Variants in PDE10A observed in about 807,000 individuals in gnomAD.
PDE10A encodes phosphodiesterase 10A, also known as cAMP and cAMP-inhibited cGMP 3',5'-cyclic phosphodiesterase 10A.
Under a neutral mutation model 97.7 loss-of-function variants are expected in PDE10A, and 39 were observed. The observed-to-expected ratio is 0.40, with a 90% confidence interval of 0.31 to 0.52. The LOEUF (loss-of-function observed/expected upper bound fraction) is 0.52. Ranked by LOEUF, PDE10A falls within the 20% of genes least tolerant of loss-of-function variation. The pLI, the probability that PDE10A is intolerant of heterozygous loss-of-function variation, is 0.56. For missense variants in PDE10A, 731 were observed against 1,047.8 expected, an observed-to-expected ratio of 0.70 and a Z score of 4.17; for synonymous variants, 371 against 376.8, an observed-to-expected ratio of 0.98 and a Z score of 0.18.
chr6:165,618,441 T>C (rs73786669), intron 1 of PDE10A, among the ~76,000 whole-genome samples: 6 of 152,166 alleles, frequency 3.9e-5, no homozygotes, highest in African/African-American at 1.2e-4. Flanking sequence ...GGTGGCCACG[T>C]GTCCACCATC....
chr6:165,431,287 C>T, intron 8 of PDE10A, 135 bp downstream of exon 8: 1 of 504,324 alleles, frequency 2.0e-6, no homozygotes, highest in Non-Finnish European at 3.6e-6. Flanking sequence ...GTTAAAATTT[C>T]TAGAAATAAC....
chr6:165,549,316 C>T (rs757785017), intron 1 of PDE10A, among the ~76,000 whole-genome samples: 36 of 152,098 alleles, frequency 2.4e-4, no homozygotes, highest in African/African-American at 6.0e-4. Context: ...TAAGTTATTA[C>T]GGTTTTTTCT....
In PDE10A at chr6:165,799,107, T is replaced by C. The variant is rs989604725; in HGVS notation, c.-615+188422A>G. ...TCCATGGAAACATCAGCCACTGCAATTTAAATTCTGGCTAAGCAGCAACAG... is the reference window on the plus strand; with the variant it reads ...TCCATGGAAACATCAGCCACTGCAACTTAAATTCTGGCTAAGCAGCAACAG... On this transcript the variant is annotated intron_variant, in intron 1 of 19. Coordinates refer to the PDE10A transcript ENST00000366882. Among the ~76,000 whole-genome samples the C allele has an allele frequency of 2.6e-5, 4 of 152,330 alleles. No homozygotes were observed. The East Asian group carries it at 7.7e-4, about 29-fold the overall frequency.
At chr6:165,554,995 T>C (rs1238857490) in intron 1 of PDE10A, among the ~76,000 whole-genome samples, 2 of 151,798 alleles carry the variant, frequency 1.3e-5, no homozygotes, top group Non-Finnish European at 2.9e-5. Context: ...ACACAGTGAG[T>C]AAAAGGATGA....
intron 17 of PDE10A, among the ~76,000 whole-genome samples, chr6:165,386,772 G>C (rs1242349108): frequency 6.6e-6 from 1 of 151,854 alleles, no homozygotes; most frequent in Non-Finnish European, 1.5e-5. Flanking sequence ...GGAGGCTGAG[G>C]CGGGCGGATC....
At chr6:165,983,710 C>T (rs576744718) in intron 1 of PDE10A, among the ~76,000 whole-genome samples, 1 of 152,308 alleles carries the variant, frequency 6.6e-6, no homozygotes, top group African/African-American at 2.4e-5. Flanking sequence ...AGGTCAGCAA[C>T]ACCAACATAT....
At chr6:165,979,013 G>C (rs952874452) in intron 1 of PDE10A, among the ~76,000 whole-genome samples, 1 of 152,194 alleles carries the variant, frequency 6.6e-6, no homozygotes, top group Non-Finnish European at 1.5e-5. Context: ...CCATGAGAGT[G>C]AGATGGATCT....
chr6:165,650,230 C>T (rs941680353), intron 1 of PDE10A, among the ~76,000 whole-genome samples: 2 of 152,080 alleles, frequency 1.3e-5, no homozygotes, highest in East Asian at 1.9e-4. Flanking sequence ...AATGCCACTT[C>T]GGTACCTTCT....
intron 13 of PDE10A, among the ~76,000 whole-genome samples, chr6:165,398,051 G>A (rs61430416): frequency 0.17 from 26,306 of 151,998 alleles, 2,652 homozygotes; most frequent in African/African-American, 0.27. Flanking sequence ...TTAAATGAAA[G>A]TACTATATTT....
intron 2 of PDE10A, among the ~76,000 whole-genome samples, chr6:165,493,756 T>C (rs1780359116): frequency 6.6e-6 from 1 of 152,108 alleles, no homozygotes. Flanking sequence ...TACTAGACAC[T>C]GGCTTAGGCA....
At chr6:165,837,445 A>G (rs1780093870) in intron 1 of PDE10A, among the ~76,000 whole-genome samples, 1 of 152,008 alleles carries the variant, frequency 6.6e-6, no homozygotes, top group Non-Finnish European at 1.5e-5. Flanking sequence ...CTGCTTTCAA[A>G]CATTCCTTTA....
At chr6:165,842,884 T>C (rs1780299749) in intron 1 of PDE10A, among the ~76,000 whole-genome samples, 1 of 152,222 alleles carries the variant, frequency 6.6e-6, no homozygotes, top group African/African-American at 2.4e-5. Context: ...TGAGTTAGCC[T>C]CGGACTAACC....
At chr6:165,602,693 A>T (rs1228034100) in intron 1 of PDE10A, among the ~76,000 whole-genome samples, 3 of 152,178 alleles carry the variant, frequency 2.0e-5, no homozygotes, top group African/African-American at 7.2e-5. Flanking sequence ...CCCATATGAT[A>T]AAAAGATCAA....
At chr6:165,672,211 G>C (rs1790666616) in intron 1 of PDE10A, among the ~76,000 whole-genome samples, 1 of 152,092 alleles carries the variant, frequency 6.6e-6, no homozygotes, top group Non-Finnish European at 1.5e-5. Flanking sequence ...TACCTTACTG[G>C]TCAATGGTAT....
chr6:165,802,143 C>T (rs1779002353), intron 1 of PDE10A, among the ~76,000 whole-genome samples: 1 of 152,220 alleles, frequency 6.6e-6, no homozygotes, highest in Non-Finnish European at 1.5e-5. Flanking sequence ...GGTTGAGTGT[C>T]TTCTCCTCTC....
chr6:165,925,811 G>A (rs1782915261), intron 1 of PDE10A, among the ~76,000 whole-genome samples: 2 of 152,082 alleles, frequency 1.3e-5, no homozygotes, highest in Non-Finnish European at 2.9e-5. Flanking sequence ...TGCCAGTGGT[G>A]GTCAAACAAT....
chr6:165,400,670 A>G (rs1441955742), intron 13 of PDE10A, among the ~76,000 whole-genome samples: 3 of 152,180 alleles, frequency 2.0e-5, no homozygotes, highest in Admixed American at 2.0e-4. Flanking sequence ...AAACAGTTAC[A>G]GACCCCTCCC....
chr6:165,880,562 A>G (rs558772040), intron 1 of PDE10A, among the ~76,000 whole-genome samples: 237 of 152,256 alleles, frequency 1.6e-3, no homozygotes, highest in African/African-American at 5.4e-3. Context: ...CTTTTTTTCT[A>G]ACCATACATT....
At chr6:165,419,408 A>G (rs1455363440) in intron 10 of PDE10A, among the ~76,000 whole-genome samples, 2 of 152,232 alleles carry the variant, frequency 1.3e-5, no homozygotes, top group East Asian at 1.9e-4. Context: ...GCTCCTCACA[A>G]TAACAATATT....
Sources: gnomAD v4.1 joint callset for allele counts (sites outside exome capture counted in the v4.1 genomes callset) on GRCh38, gnomAD v4.1.1 for gene constraint, MANE v1.5 for transcripts, NCBI Gene and HGNC (gene_info 2026-07-23, HGNC 2026-07-21) for gene names.